Variants in PPEF2 observed in about 807,000 individuals in gnomAD.
PPEF2 encodes protein phosphatase with EF-hand domain 2.
In PPEF2, 84 loss-of-function variants were observed where a neutral mutation model predicts 84.7. That is an observed-to-expected ratio of 0.99 (90% CI 0.83 to 1.19). The LOEUF (loss-of-function observed/expected upper bound fraction) is 1.19. Ranked by LOEUF, PPEF2 falls within the 50% of genes most tolerant of loss-of-function variation. The pLI is 0.00. For synonymous variants in PPEF2, 346 were observed against 345.2 expected (o/e 1.00, Z -0.03); for missense variants, 924 against 937.5 (o/e 0.99, Z 0.19).
Position 75,866,252 on chromosome 4 carries a change from T to G in PPEF2, c.1857A>C (p.Ala619=). ...MLRPQLVNSS[A]DNMLEYKSWL... Reference sequence around the variant, plus strand: ...AAGACTTGTACTCCAGCATGTTGTCTGCTGAGCTGTTCACCAGCTGTGGCC... The same window carrying G: ...AAGACTTGTACTCCAGCATGTTGTCGGCTGAGCTGTTCACCAGCTGTGGCC... The change falls in exon 15 of 17, where the codon GCA becomes GCC. Residue 619 remains alanine, a synonymous_variant. Coordinates refer to ENST00000286719, the MANE Select transcript of PPEF2 (RefSeq NM_006239.3). 6.2e-7 allele frequency: 1 copy of G among 1,614,192 alleles called. No individual in the cohort carries two copies. Among genetic ancestry groups the G allele is most frequent in the Non-Finnish European group, 8.5e-7 (1 of 1,180,044 alleles).
At position 75,871,644 on chromosome 4, in the gene PPEF2, A is replaced by G. The variant is rs117730581; in HGVS notation, c.1649+381T>C. 6.3e-4 allele frequency among the ~76,000 whole-genome samples: 95 copies of G among 151,922 alleles called. No homozygotes were observed. In the East Asian group the frequency reaches 0.016, roughly 26 times the overall value. Reference sequence around the variant, plus strand: ...CGCCACCACATCAGGCTAATTTTTGAATTTTTTGTAGAGATGGGGTTTTGC... The same window carrying G: ...CGCCACCACATCAGGCTAATTTTTGGATTTTTTGTAGAGATGGGGTTTTGC... On this transcript the variant is annotated intron_variant, in intron 13 of 16. Transcript: ENST00000286719.
intron 2 of PPEF2, among the ~76,000 whole-genome samples, chr4:75,894,777 G>C (rs1724969996): frequency 6.6e-6 from 1 of 152,204 alleles, no homozygotes; most frequent in African/African-American, 2.4e-5. Flanking sequence ...ACCGGCCCCT[G>C]TGGTAGCAGG....
Position 75,883,073 on chromosome 4 carries a change from T to C in PPEF2, c.786A>G (p.Val262=). 1 of 1,613,902 alleles carries C rather than the reference T, an allele frequency of 6.2e-7. No homozygotes were observed. The highest frequency in any genetic ancestry group is 2.2e-5 in the East Asian group (1 of 44,872). Residue 262 remains valine, a splice_region_variant and synonymous_variant, in exon 10 of 17, where the codon GTA becomes GTG. Transcript: ENST00000286719. ...GGGTTCTTAGTATTTCCTTCCCGTGTACCTGGAAAAAATGATATAAACAAA... is the reference window on the plus strand; with the variant it reads ...GGGTTCTTAGTATTTCCTTCCCGTGCACCTGGAAAAAATGATATAAACAAA... ...FTKEVMNKYK[V]HGKEILRTLQ... is the part of the protein sequence containing the mutation.
chr4:75,896,316 C>T lies in PPEF2; in HGVS notation c.10G>A (p.Gly4Ser), dbSNP rs189088942. ...GCAAAATGATGTTGGGTGGAGGTGCCGCTTCCCATAGTTTAAGCGCAATGC... is the reference window on the plus strand; with the variant it reads ...GCAAAATGATGTTGGGTGGAGGTGCTGCTTCCCATAGTTTAAGCGCAATGC... MGS[G>S]TSTQHHFAFQ... Residue 4 changes from glycine (G) to serine (S), a missense_variant, in exon 2 of 17, where the codon GGC (glycine) becomes AGC (serine). Transcript: ENST00000286719. 177 of 1,614,148 alleles carry T rather than the reference C, an allele frequency of 1.1e-4. No individual in the cohort carries two copies. The highest frequency in any genetic ancestry group is 4.3e-4 in the Admixed American group (26 of 60,022).
intron 11 of PPEF2, 30 bp downstream of exon 11, chr4:75,876,257 T>C: frequency 3.9e-6 from 6 of 1,555,878 alleles, no homozygotes; most frequent in Middle Eastern, 2.1e-4. Context: ...GGCAGCCACA[T>C]GCTAGGAAGC....
chr4:75,864,057 G>C (rs1487702121), intron 16 of PPEF2, among the ~76,000 whole-genome samples: 1 of 151,844 alleles, frequency 6.6e-6, no homozygotes, highest in Non-Finnish European at 1.5e-5. Context: ...GTTTTTAGTA[G>C]AGACTGGGTT....
chr4:75,862,437 A>G lies in PPEF2; in HGVS notation c.2009-1517T>C, dbSNP rs1235846193. ...TCCTAGTACCCAGAATATATGAATA[A>G]CTCTTACAACTCAAATAAAAAGACA... On this transcript the variant is annotated intron_variant, in intron 16 of 16. Transcript: ENST00000286719. Among the ~76,000 whole-genome samples, 3 of 152,168 alleles carry G rather than the reference A, an allele frequency of 2.0e-5. No homozygotes were observed. In the East Asian group the frequency reaches 5.8e-4, roughly 29 times the overall value.
Position 75,876,377 on chromosome 4 carries a change from G to A in PPEF2, c.1230C>T (p.Thr410=), listed in dbSNP as rs754840987. Reference sequence around the variant, plus strand: ...AGCGGGAGGGCTCCTCTTTCTCTCCGGTCACCAGGAGGCCTGCTTGCTGCC... The same window carrying A: ...AGCGGGAGGGCTCCTCTTTCTCTCCAGTCACCAGGAGGCCTGCTTGCTGCC... ...RCRQQAGLLV[T]GEKEEPSRSA... The change falls in exon 11 of 17, where the codon ACC becomes ACT. Residue 410 remains threonine, a synonymous_variant. Coordinates refer to ENST00000286719, the MANE Select transcript of PPEF2 (RefSeq NM_006239.3). 1.6e-5 allele frequency: 26 copies of A among 1,613,972 alleles called. No individual in the cohort carries two copies. Among genetic ancestry groups the A allele is most frequent in the Admixed American group, 1.0e-4 (6 of 60,006 alleles).
chr4:75,880,381 A>G (rs534950055), intron 10 of PPEF2, among the ~76,000 whole-genome samples: 17 of 152,074 alleles, frequency 1.1e-4, no homozygotes, highest in Non-Finnish European at 2.1e-4. Flanking sequence ...TGGAGCCCAT[A>G]CCTCTCTGTA....
At chr4:75,865,977 C>A (rs375833522) in intron 15 of PPEF2, among the ~76,000 whole-genome samples, 73 of 152,238 alleles carry the variant, frequency 4.8e-4, no homozygotes, top group African/African-American at 1.6e-3. Flanking sequence ...ATAATATGTA[C>A]TTCTTGGAGT....
intron 7 of PPEF2, 100 bp from the exon 8 acceptor site, chr4:75,884,860 C>G: frequency 9.7e-7 from 1 of 1,034,954 alleles, no homozygotes; most frequent in East Asian, 2.5e-5. Flanking sequence ...ATGTCTAACA[C>G]CAATTCTGTG....
chr4:75,886,324 C>A (rs566193385), intron 7 of PPEF2, among the ~76,000 whole-genome samples: 1 of 152,196 alleles, frequency 6.6e-6, no homozygotes, highest in Admixed American at 6.5e-5. Flanking sequence ...GCTCAGCAAG[C>A]GCGCAGGTAC....
At chr4:75,862,390 G>T (rs1007148061) in intron 16 of PPEF2, among the ~76,000 whole-genome samples, 2 of 151,166 alleles carry the variant, frequency 1.3e-5, no homozygotes, top group African/African-American at 2.4e-5. Flanking sequence ...AAAAAAATTT[G>T]CAAGGCATAT....
chr4:75,875,784 C>T (rs990494304), intron 11 of PPEF2, among the ~76,000 whole-genome samples: 2 of 152,132 alleles, frequency 1.3e-5, no homozygotes, highest in African/African-American at 4.8e-5. Context: ...TCTCCTCTTC[C>T]TTCTTCCGTA....
rs770817628 is a variant in PPEF2, at chr4:75,873,134, T to C, written c.1499A>G (p.Asn500Ser). The change falls in exon 12 of 17, where the codon AAC (asparagine) becomes AGC (serine). Residue 500 changes from asparagine (N) to serine (S), a missense_variant. By Grantham distance (46) the Asn-to-Ser change is conservative. Coordinates refer to ENST00000286719, the MANE Select transcript of PPEF2 (RefSeq NM_006239.3). ...TGCAGAGGGAGCACCCACCTTGCGG[T>C]TGTGACAGAATTCATAGCCTTCAGG... ...CKPEGYEFCH[N>S]RKVLTIFSAS... 2.5e-6 allele frequency: 4 copies of C among 1,613,386 alleles called. No homozygotes were observed. Among genetic ancestry groups the C allele is most frequent in the Admixed American group, 1.7e-5 (1 of 59,966 alleles).
intron 16 of PPEF2, among the ~76,000 whole-genome samples, chr4:75,863,869 TTTC>T (rs1011241264): frequency 4.0e-5 from 6 of 151,596 alleles, no homozygotes; most frequent in African/African-American, 1.5e-4. Flanking sequence ...TCTTTCTTTC[TTTC>T]TTCTTTTTTT....
chr4:75,863,959 G>A (rs982932798), intron 16 of PPEF2, among the ~76,000 whole-genome samples: 11 of 150,154 alleles, frequency 7.3e-5, no homozygotes, highest in African/African-American at 1.7e-4. Flanking sequence ...TGCAACCTCC[G>A]CCTCCCGGGT....
chr4:75,889,434 C>A (rs973154926), intron 5 of PPEF2, among the ~76,000 whole-genome samples: 4 of 152,172 alleles, frequency 2.6e-5, no homozygotes, highest in African/African-American at 9.7e-5. Context: ...AACGCTCTTT[C>A]TCCGGCGCAT....
chr4:75,886,613 G>A (rs1182670042), intron 7 of PPEF2, among the ~76,000 whole-genome samples: 3 of 152,106 alleles, frequency 2.0e-5, no homozygotes, highest in Non-Finnish European at 4.4e-5. Context: ...CCAGCTACTC[G>A]GGAGGCTGAG....
Sources: allele counts gnomAD v4.1 joint callset (sites outside exome capture counted in the v4.1 genomes callset), GRCh38; gene constraint gnomAD v4.1.1; transcripts MANE v1.5; gene names NCBI Gene and HGNC (gene_info 2026-07-23, HGNC 2026-07-21).